Variants in ESR1 observed in about 807,000 individuals in gnomAD.
ESR1 encodes estrogen receptor 1.
Under a neutral mutation model 52.7 loss-of-function variants are expected in ESR1, and 12 were observed. That is an observed-to-expected ratio of 0.23 (90% confidence interval 0.15 to 0.37). The LOEUF is 0.37. ESR1 is among the 10% of genes least tolerant of loss of function. The pLI, the probability that ESR1 is intolerant of heterozygous loss-of-function variation, is 1.00. For missense variants in ESR1, 584 were observed against 779.7 expected, an observed-to-expected ratio of 0.75 and a Z score of 2.99; for synonymous variants, 305 against 316.8, an observed-to-expected ratio of 0.96 and a Z score of 0.39.
intron 4 of ESR1, among the ~76,000 whole-genome samples, chr6:151,950,503 C>T (rs1562586119): frequency 6.6e-6 from 1 of 152,088 alleles, no homozygotes. Context: ...GGAAATAGTG[C>T]CTTTATATAG....
rs144206837 is a variant in ESR1 at position 152,122,618 on chromosome 6, G to A, written c.851-2648G>A. The A allele has an allele frequency of 2.4e-4, 381 of 1,614,132 alleles. 1 individual carries two copies. Among genetic ancestry groups the A allele is most frequent in the Middle Eastern group, 5.0e-4 (3 of 6,058 alleles). ...CGGAGGACTCTGAACAGGAAGCCGC[G>A]GCCGGACCGACCTGGCCCTGGCTCA... is the stretch of plus-strand genomic sequence containing the variant. On this transcript the variant is annotated intron_variant, in intron 6 of 6. Coordinates refer to the ESR1 transcript ENST00000427531.
At chr6:152,108,054 TG>T (rs1180385142), downstream of ESR1, among the ~76,000 whole-genome samples, 2 of 152,194 alleles carry the variant, frequency 1.3e-5, no homozygotes, top group Non-Finnish European at 2.9e-5. Flanking sequence ...AATTTTTTGC[TG>T]GGCCCCTTTG....
rs571944999 is a variant in ESR1 at position 151,835,430 on chromosome 6, G to A, written c.453-7167G>A. Among the ~76,000 whole-genome samples the A allele has an allele frequency of 3.4e-4, 52 of 152,180 alleles. 1 individual carries two copies. The highest frequency in any genetic ancestry group is 8.8e-5 in the Non-Finnish European group (6 of 68,034). ...GAGCCCTGAGGAACACTGGTGTTTA[G>A]GAGCCTGCTGGAGAAAGAAAATACT... On this transcript the variant is annotated intron_variant, in intron 1 of 7. Coordinates refer to ENST00000206249, the MANE Select transcript of ESR1 (RefSeq NM_000125.4).
At position 151,774,293 on chromosome 6, in the gene ESR1, C is replaced by T. The variant is rs76334300; in HGVS notation, c.-70-33550C>T. Among the ~76,000 whole-genome samples the T allele has an allele frequency of 2.7e-3, 415 of 152,328 alleles. 4 individuals are homozygous for T. The highest frequency in any genetic ancestry group is 0.016 in the East Asian group (83 of 5,186). Reference sequence around the variant, plus strand: ...AAAGGTTCCATTTGGTGAAGTATAGCATATCACAGAAAACAATGGAGTTTG... The same window carrying T: ...AAAGGTTCCATTTGGTGAAGTATAGTATATCACAGAAAACAATGGAGTTTG... On this transcript the variant is annotated intron_variant, in intron 2 of 2. Transcript: ENST00000404742.
At chr6:151,968,904 T>A (rs1274907589) in intron 4 of ESR1, among the ~76,000 whole-genome samples, 1 of 152,114 alleles carries the variant, frequency 6.6e-6, no homozygotes, top group Non-Finnish European at 1.5e-5. Context: ...TGTATCCCTC[T>A]TTCCGTCTGT....
At chr6:152,118,084 C>T (rs1442890190) in intron 6 of ESR1, among the ~76,000 whole-genome samples, 1 of 152,172 alleles carries the variant, frequency 6.6e-6, no homozygotes, top group Non-Finnish European at 1.5e-5. Flanking sequence ...GACATTCATA[C>T]TCTTCAAAAA....
At chr6:152,029,274 G>A (rs1480944999) in intron 5 of ESR1, among the ~76,000 whole-genome samples, 1 of 152,198 alleles carries the variant, frequency 6.6e-6, no homozygotes, top group Non-Finnish European at 1.5e-5. Context: ...ACCAGCAACG[G>A]AACAAAGCTG....
At chr6:151,698,631 C>T (rs932357589) in intron 1 of ESR1, among the ~76,000 whole-genome samples, 5 of 151,778 alleles carry the variant, frequency 3.3e-5, no homozygotes, top group Non-Finnish European at 7.4e-5. Flanking sequence ...CCTTCTCTTC[C>T]AAGGGGAAAT....
At chr6:151,661,323 C>T (rs1424194782) in intron 1 of ESR1, among the ~76,000 whole-genome samples, 1 of 152,152 alleles carries the variant, frequency 6.6e-6, no homozygotes, top group South Asian at 2.1e-4. Context: ...TAAGGCCATG[C>T]TTTGCACCAG....
chr6:151,678,645 G>T (rs1258446667), intron 1 of ESR1, among the ~76,000 whole-genome samples: 1 of 151,452 alleles, frequency 6.6e-6, no homozygotes, highest in Admixed American at 6.6e-5. Flanking sequence ...AGGAGTCCTA[G>T]CCTAGGATCA....
At chr6:151,964,047 G>C (rs1314215521) in intron 4 of ESR1, among the ~76,000 whole-genome samples, 1 of 152,156 alleles carries the variant, frequency 6.6e-6, no homozygotes, top group Non-Finnish European at 1.5e-5. Flanking sequence ...TTTTATGCCA[G>C]TATCACACTG....
chr6:151,866,464 C>T (rs2128298983), intron 2 of ESR1, among the ~76,000 whole-genome samples: 1 of 152,222 alleles, frequency 6.6e-6, no homozygotes, highest in East Asian at 1.9e-4. Flanking sequence ...TCTTCTAATG[C>T]TATCCCTTCC....
chr6:151,961,841 A>G (rs1184394744), intron 4 of ESR1, among the ~76,000 whole-genome samples: 1 of 152,196 alleles, frequency 6.6e-6, no homozygotes. Flanking sequence ...CTGCGTTACA[A>G]GCCCACCCGG....
rs150351654 is a variant in ESR1 at position 151,709,055 on chromosome 6, T to C, written c.-71+7050T>C. 3.4e-4 allele frequency among the ~76,000 whole-genome samples: 52 copies of C among 152,286 alleles called. 1 individual carries two copies. The highest frequency in any genetic ancestry group is 1.3e-3 in the African/African-American group (52 of 41,576). On this transcript the variant is annotated intron_variant, in intron 2 of 2. Coordinates refer to the ESR1 transcript ENST00000404742. ...TAGTCACCATGTTGTACAGTGGATC[T>C]CTTGCACTTACTTTTCCGATTTAAC...
intron 3 of ESR1, among the ~76,000 whole-genome samples, chr6:151,920,036 G>A (rs891209565): frequency 2.0e-5 from 3 of 152,182 alleles, no homozygotes; most frequent in African/African-American, 7.2e-5. Flanking sequence ...TAAGCAGCAA[G>A]GATAGAATCT....
chr6:151,813,449 A>T (rs1198795110), intron 1 of ESR1: 1 of 152,152 alleles, frequency 6.6e-6, no homozygotes, highest in Non-Finnish European at 1.5e-5. Flanking sequence ...GTATTTCTGG[A>T]TGCCTCCTAT....
chr6:151,781,510 G>T (rs1042868820), intron 2 of ESR1, among the ~76,000 whole-genome samples: 2 of 152,192 alleles, frequency 1.3e-5, no homozygotes, highest in African/African-American at 4.8e-5. Flanking sequence ...TCAAACCATA[G>T]CACTGAAGTT....
intron 2 of ESR1, among the ~76,000 whole-genome samples, chr6:151,732,534 T>TTGTGTGTGTGTGTGTGTG (rs3036504): frequency 6.7e-6 from 1 of 148,768 alleles, no homozygotes; most frequent in East Asian, 2.0e-4. Flanking sequence ...GTGTGTGTGT[T>TTGTGTGTGTGTGTGTGTG]TGTGTGTGTG....
chr6:151,972,814 G>T (rs1422239301), intron 4 of ESR1, among the ~76,000 whole-genome samples: 3 of 152,196 alleles, frequency 2.0e-5, no homozygotes, highest in Non-Finnish European at 4.4e-5. Context: ...GCCAGTCCAA[G>T]TCCCAAAACC....
Sources: allele counts gnomAD v4.1 joint callset (sites outside exome capture counted in the v4.1 genomes callset), GRCh38; gene constraint gnomAD v4.1.1; transcripts MANE v1.5; gene names NCBI Gene and HGNC (gene_info 2026-07-23, HGNC 2026-07-21).